NDRG2: variants seen among roughly 807,000 people sequenced by gnomAD.
NDRG2 encodes the protein protein NDRG2.
Under a neutral mutation model 58.2 loss-of-function variants are expected in NDRG2, and 34 were observed. The ratio of observed to expected loss-of-function variants is 0.58; its 90% CI spans 0.44 to 0.78. The LOEUF is 0.78. Among genes scored for constraint, NDRG2 ranks in the 30% least tolerant of loss-of-function variants. NDRG2 has a pLI of 0.00. For missense variants in NDRG2, 434 were observed against 471.2 expected, an observed-to-expected ratio of 0.92 and a Z score of 0.73; for synonymous variants, 187 against 175.9, an observed-to-expected ratio of 1.06 and a Z score of -0.50.
At chr14:21,057,849 TC>T in intron 1 of NDRG2, 1 of 1,549,640 alleles carries the variant, frequency 6.5e-7, no homozygotes, top group Non-Finnish European at 8.8e-7. Context: ...GACCTATTCA[TC>T]CACCTACCTC....
intron 1 of NDRG2, among the ~76,000 whole-genome samples, chr14:21,047,564 T>A (rs1391048521): frequency 1.3e-5 from 2 of 152,216 alleles, no homozygotes; most frequent in Admixed American, 6.5e-5. Context: ...CTGGCTGAAC[T>A]GTGATGCATT....
intron 1 of NDRG2, among the ~76,000 whole-genome samples, chr14:21,039,955 G>A (rs1884814888): frequency 6.6e-6 from 1 of 152,198 alleles, no homozygotes; most frequent in Non-Finnish European, 1.5e-5. Context: ...ATGAGAAGTA[G>A]AAAGGAGACC....
chr14:21,028,118 C>A (rs1883817177), upstream of NDRG2, among the ~76,000 whole-genome samples: 1 of 152,184 alleles, frequency 6.6e-6, no homozygotes, highest in Non-Finnish European at 1.5e-5. Context: ...CACCCCGGTC[C>A]ATTCCACTCC....
At chr14:21,022,288 T>C in intron 4 of NDRG2, 104 bp downstream of exon 4, 1 of 1,575,052 alleles carries the variant, frequency 6.3e-7, no homozygotes, top group Non-Finnish European at 8.7e-7. Flanking sequence ...AGGAGAGAAC[T>C]TCTCCTTCCC....
chr14:21,052,878 G>A lies in NDRG2; in HGVS notation c.24+17950C>T, dbSNP rs903352864. Among the ~76,000 whole-genome samples the A allele has an allele frequency of 1.1e-4, 16 of 152,298 alleles. No homozygotes were observed. In the South Asian group the frequency reaches 1.7e-3, roughly 16 times the overall value. On this transcript the variant is annotated intron_variant, in intron 1 of 14. Transcript: ENST00000403829. ...GGTGAGAGTCATCCAGACAGGCAGT[G>A]GAAAGGGAGAGAAATACGTACAAGA... is the stretch of plus-strand genomic sequence containing the variant.
rs1881703417 is a variant in NDRG2, at chr14:21,023,176, A to G, written c.75+65T>C. The G allele has an allele frequency of 2.2e-6, 3 of 1,383,900 alleles. No homozygotes were observed. In the African/African-American group the frequency reaches 4.3e-5, roughly 20 times the overall value. 85.7% of individuals were successfully genotyped at this position (1,383,900 alleles called of 1,614,324 possible). On this transcript the variant is annotated intron_variant, in intron 2 of 15. Coordinates refer to ENST00000556147, the MANE Select transcript of NDRG2 (RefSeq NM_001320329.2). Reference sequence around the variant, plus strand: ...ATAAGATCAGTACGCTTGGGAAGTTAGAAGGCAAGGGGGATGCTTAGAGGT... The same window carrying G: ...ATAAGATCAGTACGCTTGGGAAGTTGGAAGGCAAGGGGGATGCTTAGAGGT...
intron 6 of NDRG2, 188 bp downstream of exon 6, chr14:21,021,629 G>T: frequency 1.5e-6 from 1 of 658,458 alleles, no homozygotes; most frequent in Non-Finnish European, 2.6e-6. Context: ...GGGCTATTCT[G>T]TTGACTCTGG....
At chr14:21,035,070 G>A (rs77056239) in intron 1 of NDRG2, among the ~76,000 whole-genome samples, 6,111 of 152,262 alleles carry the variant, frequency 0.04, 216 homozygotes, top group African/African-American at 0.099. Flanking sequence ...CAGAGCATTC[G>A]CCACTTTGTC....
At chr14:21,058,114 C>G (rs1257061276) in intron 1 of NDRG2, 1 of 1,614,160 alleles carries the variant, frequency 6.2e-7, no homozygotes. Context: ...TGCACGAGCC[C>G]TTCTCCAGTG....
At chr14:21,064,469 T>C (rs955086920) in intron 1 of NDRG2, among the ~76,000 whole-genome samples, 12 of 152,104 alleles carry the variant, frequency 7.9e-5, no homozygotes, top group South Asian at 6.2e-4. Context: ...ACCCAGCTAA[T>C]TTTTGTATTT....
intron 1 of NDRG2, among the ~76,000 whole-genome samples, chr14:21,055,126 T>C (rs1566504776): frequency 6.6e-6 from 1 of 152,244 alleles, no homozygotes; most frequent in Non-Finnish European, 1.5e-5. Context: ...TGCAGAAATG[T>C]ATCTGAAAAG....
rs1886717636 is a variant in NDRG2 at position 21,070,763 on chromosome 14, C to T, written c.24+65G>A. On this transcript the variant is annotated intron_variant, in intron 1 of 14. Coordinates refer to the NDRG2 transcript ENST00000403829. The surrounding 1 kb of genome is among the most constrained non-coding windows in gnomAD (Gnocchi z 4.7). ...GTCCGAGCTCCTTACCCGCGGGAGA[C>T]CCCTGCGGGTTGGTCCTGCAGCGAC... The T allele has an allele frequency of 4.6e-6, 7 of 1,512,314 alleles. No individual in the cohort carries two copies. The highest frequency in any genetic ancestry group is 6.2e-6 in the Non-Finnish European group (7 of 1,126,450). The allele number at this position is 1,512,314 out of a possible 1,614,324, so 93.7% of individuals were successfully genotyped here. A position where few individuals can be genotyped will look rare whatever the true frequency, so the allele number is the denominator to read the frequency against.
intron 1 of NDRG2, chr14:21,030,977 C>A: frequency 6.3e-7 from 1 of 1,579,498 alleles, no homozygotes; most frequent in Non-Finnish European, 8.6e-7. Flanking sequence ...TGCATTCATG[C>A]TCCAAAGTTT....
At chr14:21,021,928 C>A in intron 5 of NDRG2, 49 bp from the exon 6 acceptor site, 1 of 1,611,618 alleles carries the variant, frequency 6.2e-7, no homozygotes, top group Non-Finnish European at 8.5e-7. Context: ...CCCTCACACC[C>A]CCCACCTCAG....
chr14:21,031,071 G>C (rs375701695), intron 1 of NDRG2: 37 of 1,614,042 alleles, frequency 2.3e-5, no homozygotes, highest in Non-Finnish European at 3.1e-5. Context: ...AAGGAACTGG[G>C]CCAGAAGCGC....
intron 1 of NDRG2, among the ~76,000 whole-genome samples, chr14:21,065,809 A>G (rs1594527945): frequency 6.6e-6 from 1 of 152,352 alleles, no homozygotes; most frequent in Admixed American, 6.5e-5. Flanking sequence ...TAAAGAACTG[A>G]AAGAAGGGGC....
At chr14:21,045,579 T>C (rs796752878) in intron 1 of NDRG2, among the ~76,000 whole-genome samples, 22 of 152,356 alleles carry the variant, frequency 1.4e-4, no homozygotes, top group African/African-American at 5.1e-4. Context: ...TTCATTTTAT[T>C]CTTTTTTCAC....
chr14:21,029,770 A>G (rs1883934156), upstream of NDRG2, among the ~76,000 whole-genome samples: 1 of 152,164 alleles, frequency 6.6e-6, no homozygotes, highest in Admixed American at 6.5e-5. Context: ...CTACCATGTG[A>G]GGACACAGCA....
chr14:21,059,850 T>C (rs1329103463), intron 1 of NDRG2, among the ~76,000 whole-genome samples: 1 of 152,194 alleles, frequency 6.6e-6, no homozygotes, highest in East Asian at 1.9e-4. Flanking sequence ...ATGTTTCCTC[T>C]CAATTTCTGT....
Sources: gnomAD v4.1 joint callset for allele counts (sites outside exome capture counted in the v4.1 genomes callset) on GRCh38, gnomAD v4.1.1 for gene constraint, Gnocchi (gnomAD v3.1) non-coding constraint, MANE v1.5 for transcripts, NCBI Gene and HGNC (gene_info 2026-07-23, HGNC 2026-07-21) for gene names.